TMEM131L: variants seen among roughly 807,000 people sequenced by gnomAD.
TMEM131L encodes transmembrane protein 131-like.
Under a neutral mutation model 192.2 loss-of-function variants are expected in TMEM131L, and 54 were observed. That is an observed-to-expected ratio of 0.28 (90% CI 0.23 to 0.35). The LOEUF (loss-of-function observed/expected upper bound fraction) is 0.35. TMEM131L is among the 10% of genes least tolerant of loss of function. The probability of loss-of-function intolerance (pLI) is 1.00; values close to 1 mark genes in which losing one functional copy is unlikely to be tolerated. For missense variants in TMEM131L, 1,888 were observed against 1,972.9 expected, an observed-to-expected ratio of 0.96 and a Z score of 0.82; for synonymous variants, 701 against 704.9, an observed-to-expected ratio of 0.99 and a Z score of 0.09.
At chr4:153,627,543 A>G (rs762770739) in intron 30 of TMEM131L, 62 bp from the exon 31 acceptor site, 5 of 1,261,522 alleles carry the variant, frequency 4.0e-6, no homozygotes, top group African/African-American at 3.0e-5. Flanking sequence ...GTGGTTATAC[A>G]ATATCAGTAT....
chr4:153,531,413 G>T (rs1384573033), intron 3 of TMEM131L, among the ~76,000 whole-genome samples: 5 of 152,172 alleles, frequency 3.3e-5, no homozygotes, highest in Admixed American at 2.6e-4. Flanking sequence ...CACTACAGAG[G>T]ATATACCTTT....
intron 3 of TMEM131L, among the ~76,000 whole-genome samples, chr4:153,539,967 G>A (rs999513203): frequency 2.0e-5 from 3 of 152,082 alleles, no homozygotes; most frequent in African/African-American, 7.2e-5. Flanking sequence ...AAAATTAGCC[G>A]GGCATGGTGG....
intron 14 of TMEM131L, among the ~76,000 whole-genome samples, chr4:153,586,884 A>C (rs757653931): frequency 1.3e-5 from 2 of 152,208 alleles, no homozygotes; most frequent in Admixed American, 6.5e-5. Flanking sequence ...ATTATATTTA[A>C]TTTAGACCGT....
At chr4:153,468,513 A>G (rs1281592265) in intron 2 of TMEM131L, among the ~76,000 whole-genome samples, 1 of 152,208 alleles carries the variant, frequency 6.6e-6, no homozygotes, top group Non-Finnish European at 1.5e-5. Flanking sequence ...AAAGAACAAA[A>G]TAGAAATCCG....
At chr4:153,585,109 A>G (rs1474054778) in intron 12 of TMEM131L, among the ~76,000 whole-genome samples, 178 bp downstream of exon 12, 2 of 152,236 alleles carry the variant, frequency 1.3e-5, no homozygotes, top group African/African-American at 4.8e-5. Flanking sequence ...GAGTGGGGAA[A>G]AGGAAGTGAA....
chr4:153,562,239 T>A (rs1728894170), intron 7 of TMEM131L, among the ~76,000 whole-genome samples: 1 of 152,112 alleles, frequency 6.6e-6, no homozygotes, highest in Non-Finnish European at 1.5e-5. Flanking sequence ...GGTTTCACCA[T>A]GTTGATCAGG....
intron 27 of TMEM131L, 104 bp downstream of exon 27, chr4:153,620,984 A>G (rs1733359418): frequency 1.3e-6 from 1 of 752,886 alleles, no homozygotes; most frequent in East Asian, 2.9e-5. Context: ...TTAGATACCG[A>G]TAATATGAGA....
intron 31 of TMEM131L, among the ~76,000 whole-genome samples, chr4:153,631,852 T>C (rs1734233775): frequency 6.6e-6 from 1 of 152,222 alleles, no homozygotes. Context: ...GCTACACTGA[T>C]ATCCTTGCTG....
At chr4:153,521,675 A>G (rs1357682322) in intron 3 of TMEM131L, among the ~76,000 whole-genome samples, 1 of 150,934 alleles carries the variant, frequency 6.6e-6, no homozygotes, top group Non-Finnish European at 1.5e-5. Context: ...TTGAACAATA[A>G]CTCCTCATTC....
intron 3 of TMEM131L, among the ~76,000 whole-genome samples, chr4:153,526,086 T>C (rs1225104755): frequency 3.3e-5 from 5 of 151,552 alleles, no homozygotes; most frequent in Non-Finnish European, 7.4e-5. Context: ...CTTGATCTCT[T>C]GATCTCATGA....
intron 3 of TMEM131L, among the ~76,000 whole-genome samples, chr4:153,547,401 C>G (rs2150381135): frequency 6.6e-6 from 1 of 152,256 alleles, no homozygotes; most frequent in Admixed American, 6.5e-5. Context: ...CTTTTAATTC[C>G]AGAGGTCGAT....
At chr4:153,495,480 CA>C (rs1369735538) in intron 3 of TMEM131L, among the ~76,000 whole-genome samples, 2 of 152,084 alleles carry the variant, frequency 1.3e-5, no homozygotes, top group Non-Finnish European at 2.9e-5. Context: ...AAGGGGAGGG[CA>C]GGGGCTTCCA....
intron 19 of TMEM131L, among the ~76,000 whole-genome samples, chr4:153,594,448 T>A (rs561073188): frequency 2.6e-5 from 4 of 152,218 alleles, no homozygotes; most frequent in Non-Finnish European, 5.9e-5. Flanking sequence ...TACTTCTCAG[T>A]TTCCACTCAG....
intron 3 of TMEM131L, among the ~76,000 whole-genome samples, chr4:153,526,252 C>T (rs923728082): frequency 6.6e-6 from 1 of 152,156 alleles, no homozygotes. Flanking sequence ...TTGTGTAGGC[C>T]ACACTTGGTC....
intron 7 of TMEM131L, among the ~76,000 whole-genome samples, chr4:153,559,464 T>C (rs1728706005): frequency 6.6e-6 from 1 of 152,138 alleles, no homozygotes; most frequent in African/African-American, 2.4e-5. Flanking sequence ...GCCTCATCAG[T>C]GGAGATCTAA....
At chr4:153,578,932 A>G (rs1174922742) in intron 7 of TMEM131L, among the ~76,000 whole-genome samples, 1 of 152,174 alleles carries the variant, frequency 6.6e-6, no homozygotes, top group African/African-American at 2.4e-5. Flanking sequence ...TGCTGGGATT[A>G]CAGGCATGAG....
intron 3 of TMEM131L, among the ~76,000 whole-genome samples, chr4:153,488,104 C>CGTGTGT (rs960793514): frequency 1.5e-5 from 2 of 134,544 alleles, no homozygotes; most frequent in Non-Finnish European, 3.2e-5. Context: ...GTTTTGTGTG[C>CGTGTGT]GTGTGTGTGT....
At chr4:153,604,514 A>C in intron 25 of TMEM131L, 84 bp downstream of exon 25, 2 of 1,334,270 alleles carry the variant, frequency 1.5e-6, no homozygotes. Flanking sequence ...TGTGACCGTT[A>C]GTTTTAATTG....
chr4:153,573,340 C>G (rs949753283), intron 7 of TMEM131L, among the ~76,000 whole-genome samples: 6 of 152,262 alleles, frequency 3.9e-5, no homozygotes, highest in African/African-American at 1.4e-4. Flanking sequence ...CATCACAAAG[C>G]TTAAACTTTT....
Sources: allele counts gnomAD v4.1 joint callset (sites outside exome capture counted in the v4.1 genomes callset), GRCh38; gene constraint gnomAD v4.1.1; transcripts MANE v1.5; gene names NCBI Gene and HGNC (gene_info 2026-07-23, HGNC 2026-07-21).